Variants in C3orf20 observed in about 807,000 individuals in gnomAD.
C3orf20 encodes the protein family with sequence similarity 149 member C, also known as uncharacterized protein C3orf20.
C3orf20 carries 76 observed loss-of-function variants against 88.3 expected under a neutral mutation model. The observed-to-expected ratio is 0.86, with a 90% CI of 0.72 to 1.04. The LOEUF (loss-of-function observed/expected upper bound fraction) is 1.04, where lower values mean the gene tolerates loss of function less well. C3orf20 is among the 50% of genes least tolerant of loss of function. The pLI, the probability that C3orf20 is intolerant of heterozygous loss-of-function variation, is 0.00. For synonymous variants in C3orf20, 436 were observed against 437.4 expected, an observed-to-expected ratio of 1.00 and a Z score of 0.04; for missense variants, 1,056 against 1,123.3, an observed-to-expected ratio of 0.94 and a Z score of 0.86.
In C3orf20 at chr3:14,690,229, TAGA is replaced by T; in HGVS notation, c.745+116_745+118del. The T allele has an allele frequency of 2.8e-6, 4 of 1,440,278 alleles. No individual in the cohort carries two copies. In the East Asian group the frequency reaches 7.0e-5, roughly 25 times the overall value. 89.2% of individuals were successfully genotyped at this position (1,440,278 alleles called of 1,614,324 possible). A position where few individuals can be genotyped will look rare whatever the true frequency, so the allele number is the denominator to read the frequency against. On this transcript the variant is annotated intron_variant, in intron 5 of 16. Transcript: ENST00000253697. ...GGATGGTTTGATTTGGTCTTCTGAT[TAGA>T]AGGATACATAGCGGCTCTGCCTGGA...
At chr3:14,690,265 C>A in intron 5 of C3orf20, 149 bp downstream of exon 5, 2 of 1,101,722 alleles carry the variant, frequency 1.8e-6, no homozygotes, top group Non-Finnish European at 2.6e-6. Flanking sequence ...GGAGATCCAG[C>A]AGCTGTCCAC....
chr3:14,754,991 C>T (rs987529215), intron 12 of C3orf20, among the ~76,000 whole-genome samples: 9 of 152,332 alleles, frequency 5.9e-5, no homozygotes, highest in African/African-American at 1.9e-4. Flanking sequence ...TCCCAAAGTG[C>T]TGAGATTACA....
chr3:14,754,472 A>C (rs1382078091), intron 12 of C3orf20, among the ~76,000 whole-genome samples: 1 of 152,228 alleles, frequency 6.6e-6, no homozygotes, highest in African/African-American at 2.4e-5. Context: ...GAGGGATGGC[A>C]GGGGAGTAAG....
intron 15 of C3orf20, chr3:14,764,986 C>G (rs930680658): frequency 6.6e-6 from 1 of 152,214 alleles, no homozygotes; most frequent in South Asian, 2.1e-4. Flanking sequence ...AGTTCCTCTT[C>G]CAGCAGGGTG....
At chr3:14,683,490 TC>T (rs1487471954) in intron 3 of C3orf20, among the ~76,000 whole-genome samples, 1 of 152,136 alleles carries the variant, frequency 6.6e-6, no homozygotes, top group Admixed American at 6.5e-5. Context: ...AGCACCCATG[TC>T]CGGGTGGCAT....
chr3:14,759,559 C>T (rs369675116), intron 13 of C3orf20, among the ~76,000 whole-genome samples: 17 of 152,314 alleles, frequency 1.1e-4, no homozygotes, highest in African/African-American at 4.1e-4. Flanking sequence ...TTCCCATCTT[C>T]AAACCTCTGC....
At chr3:14,692,689 C>T (rs1237483644) in intron 5 of C3orf20, among the ~76,000 whole-genome samples, 2 of 152,094 alleles carry the variant, frequency 1.3e-5, no homozygotes, top group Admixed American at 6.5e-5. Flanking sequence ...GTTGTCTCTT[C>T]ACTTTGTTGA....
intron 15 of C3orf20, chr3:14,765,442 G>A (rs1420651646): frequency 6.6e-6 from 1 of 152,270 alleles, no homozygotes. Context: ...CTAGAGCAAG[G>A]GAGTCTGCAG....
At chr3:14,692,353 C>T (rs2032776303) in intron 5 of C3orf20, among the ~76,000 whole-genome samples, 1 of 152,200 alleles carries the variant, frequency 6.6e-6, no homozygotes, top group Admixed American at 6.5e-5. Flanking sequence ...TGCTAATTGA[C>T]ATTCCCACCA....
At chr3:14,746,264 T>C (rs967594728) in intron 12 of C3orf20, among the ~76,000 whole-genome samples, 7 of 152,238 alleles carry the variant, frequency 4.6e-5, no homozygotes, top group Non-Finnish European at 1.5e-5. Context: ...GAAAGCTCCT[T>C]GGTGCTAGCA....
chr3:14,725,065 C>A (rs2034300935), intron 10 of C3orf20, among the ~76,000 whole-genome samples: 1 of 152,196 alleles, frequency 6.6e-6, no homozygotes, highest in South Asian at 2.1e-4. Flanking sequence ...CCGATCATAA[C>A]CTCTTTCGAG....
intron 4 of C3orf20, 146 bp downstream of exon 4, chr3:14,684,528 A>G: frequency 8.9e-7 from 1 of 1,127,312 alleles, no homozygotes; most frequent in East Asian, 2.6e-5. Flanking sequence ...CAAATGCTAC[A>G]GGTGAGTGGA....
intron 15 of C3orf20, among the ~76,000 whole-genome samples, chr3:14,763,380 CTT>C (rs1170360854): frequency 1.3e-5 from 2 of 152,128 alleles, no homozygotes; most frequent in African/African-American, 4.8e-5. Flanking sequence ...CTTGCTGTGT[CTT>C]TGCATGGCAG....
chr3:14,726,534 C>T (rs887542817), intron 10 of C3orf20, among the ~76,000 whole-genome samples: 3 of 152,222 alleles, frequency 2.0e-5, no homozygotes, highest in African/African-American at 7.2e-5. Flanking sequence ...CACAAGAGAC[C>T]AAGACTCGGT....
At chr3:14,691,126 A>C (rs2032709239) in intron 5 of C3orf20, among the ~76,000 whole-genome samples, 1 of 152,212 alleles carries the variant, frequency 6.6e-6, no homozygotes, top group Admixed American at 6.5e-5. Flanking sequence ...AATGCTGGGG[A>C]TACAGATGTG....
At position 14,745,182 on chromosome 3, in the gene C3orf20, A is replaced by G. The variant is rs75101517; in HGVS notation, c.1941-12189A>G. On this transcript the variant is annotated intron_variant, in intron 12 of 16. Coordinates refer to ENST00000253697, the MANE Select transcript of C3orf20 (RefSeq NM_032137.5). ...TTAGATTTGATGTGCAGGACAAATTACTAGAACCCACAGAGAGAGAGAGAG... is the reference window on the plus strand; with the variant it reads ...TTAGATTTGATGTGCAGGACAAATTGCTAGAACCCACAGAGAGAGAGAGAG... Among the ~76,000 whole-genome samples, 784 of 152,300 alleles carry G rather than the reference A, an allele frequency of 5.1e-3. 6 individuals carry two copies. Among genetic ancestry groups the G allele is most frequent in the African/African-American group, 0.018 (744 of 41,566 alleles).
At chr3:14,746,266 G>T (rs1325511852) in intron 12 of C3orf20, among the ~76,000 whole-genome samples, 1 of 152,206 alleles carries the variant, frequency 6.6e-6, no homozygotes, top group African/African-American at 2.4e-5. Flanking sequence ...AAGCTCCTTG[G>T]TGCTAGCAAA....
intron 10 of C3orf20, among the ~76,000 whole-genome samples, chr3:14,723,601 A>G (rs1293956868): frequency 1.3e-5 from 2 of 152,102 alleles, no homozygotes; most frequent in Admixed American, 6.5e-5. Flanking sequence ...CTAGGAGAGG[A>G]AGAGAGGAAG....
chr3:14,738,743 C>T (rs1015696664), intron 12 of C3orf20, among the ~76,000 whole-genome samples: 4 of 147,954 alleles, frequency 2.7e-5, no homozygotes. Context: ...TGGGTTCAAG[C>T]GACTCTCCTG....
Sources: gnomAD v4.1 joint callset for allele counts (sites outside exome capture counted in the v4.1 genomes callset) on GRCh38, gnomAD v4.1.1 for gene constraint, MANE v1.5 for transcripts, NCBI Gene and HGNC (gene_info 2026-07-23, HGNC 2026-07-21) for gene names.